Variants in RGS6 observed in about 807,000 individuals in gnomAD.
RGS6 encodes regulator of G-protein signaling 6.
Under a neutral mutation model 78.5 loss-of-function variants are expected in RGS6, and 30 were observed. The ratio of observed to expected loss-of-function variants is 0.38; its 90% CI spans 0.29 to 0.52. The LOEUF (loss-of-function observed/expected upper bound fraction) is 0.52. Ranked by LOEUF, RGS6 falls within the 20% of genes least tolerant of loss-of-function variation. The pLI is 0.85. For missense variants in RGS6, 495 were observed against 609.7 expected, an observed-to-expected ratio of 0.81 and a Z score of 1.98; for synonymous variants, 206 against 206.0, an observed-to-expected ratio of 1.00 and a Z score of 0.00.
chr14:72,526,677 C>T (rs2097124794), intron 15 of RGS6, among the ~76,000 whole-genome samples: 1 of 145,994 alleles, frequency 6.8e-6, no homozygotes, highest in Non-Finnish European at 1.5e-5. Flanking sequence ...CTAAGGAAAT[C>T]CAAAGGGGGC....
chr14:72,472,344 G>T (rs1257041361), intron 8 of RGS6, among the ~76,000 whole-genome samples: 3 of 152,028 alleles, frequency 2.0e-5, no homozygotes, highest in Admixed American at 2.0e-4. Context: ...CCATTATTCT[G>T]CCTTTAGAAA....
At chr14:71,981,953 G>T (rs1227913153) in intron 2 of RGS6, among the ~76,000 whole-genome samples, 1 of 151,756 alleles carries the variant, frequency 6.6e-6, no homozygotes, top group African/African-American at 2.4e-5. Flanking sequence ...GTGGGCGTAG[G>T]ACCCTCCGAG....
At chr14:72,426,180 C>G (rs2094429055) in intron 3 of RGS6, among the ~76,000 whole-genome samples, 1 of 152,116 alleles carries the variant, frequency 6.6e-6, no homozygotes, top group Admixed American at 6.5e-5. Context: ...TTTTCATAAG[C>G]CTCTGAGTTC....
At chr14:72,557,768 AC>A (rs2097602904) in intron 17 of RGS6, among the ~76,000 whole-genome samples, 1 of 152,188 alleles carries the variant, frequency 6.6e-6, no homozygotes, top group African/African-American at 2.4e-5. Flanking sequence ...TGTGTGTCAC[AC>A]CAAAGGGATC....
chr14:72,365,299 A>T (rs2082251671), intron 3 of RGS6, among the ~76,000 whole-genome samples: 1 of 152,222 alleles, frequency 6.6e-6, no homozygotes, highest in South Asian at 2.1e-4. Context: ...GGTACTGAGG[A>T]TAGAGATAAC....
At chr14:72,523,935 T>G (rs546283435) in intron 15 of RGS6, among the ~76,000 whole-genome samples, 1 of 152,310 alleles carries the variant, frequency 6.6e-6, no homozygotes, top group South Asian at 2.1e-4. Context: ...TGCTATGTGG[T>G]CTGAGGCAAG....
chr14:72,014,599 T>G (rs1427961412), intron 2 of RGS6, among the ~76,000 whole-genome samples: 1 of 152,218 alleles, frequency 6.6e-6, no homozygotes, highest in African/African-American at 2.4e-5. Context: ...GTCATGAGAC[T>G]TGAGCATTTG....
intron 3 of RGS6, among the ~76,000 whole-genome samples, chr14:72,381,177 G>A (rs1174620709): frequency 6.6e-6 from 1 of 151,934 alleles, no homozygotes; most frequent in Non-Finnish European, 1.5e-5. Context: ...GGTAGAGAGG[G>A]GGAGAGAGTT....
At chr14:72,589,490 C>T in the RGS6 span, among the ~76,000 whole-genome samples, 1 of 152,178 alleles carries the variant, frequency 6.6e-6, no homozygotes, top group Non-Finnish European at 1.5e-5. Context: ...GCAGAGGTTG[C>T]AGTGAGCTGA....
intron 12 of RGS6, among the ~76,000 whole-genome samples, chr14:72,486,105 C>G (rs968548623): frequency 6.6e-6 from 1 of 152,108 alleles, no homozygotes; most frequent in Non-Finnish European, 1.5e-5. Flanking sequence ...AGGGCTTCCC[C>G]CCTTCATTCA....
intron 14 of RGS6, among the ~76,000 whole-genome samples, chr14:72,511,144 CT>C (rs11363312): frequency 0.16 from 24,290 of 152,076 alleles, 2,047 homozygotes; most frequent in African/African-American, 0.21. Context: ...AAACTGGTGA[CT>C]TTTTAATGGG....
upstream of RGS6, among the ~76,000 whole-genome samples, chr14:71,928,963 C>A (rs1375460112): frequency 4.6e-5 from 7 of 152,122 alleles, no homozygotes; most frequent in Admixed American, 2.0e-4. Context: ...AACACTTATA[C>A]TTTAATGTAT....
chr14:72,419,927 C>G (rs555045883), intron 3 of RGS6, among the ~76,000 whole-genome samples: 3 of 152,136 alleles, frequency 2.0e-5, no homozygotes, highest in Non-Finnish European at 4.4e-5. Flanking sequence ...GCAAAATGGT[C>G]CAATCTGCCC....
intron 2 of RGS6, among the ~76,000 whole-genome samples, chr14:72,055,649 T>A (rs947442150): frequency 6.8e-6 from 1 of 148,106 alleles, no homozygotes; most frequent in Non-Finnish European, 1.5e-5. Flanking sequence ...AACATAGGGA[T>A]TTTTTTTTTT....
chr14:72,143,643 T>C (rs2096570543), intron 2 of RGS6, among the ~76,000 whole-genome samples: 1 of 152,190 alleles, frequency 6.6e-6, no homozygotes, highest in South Asian at 2.1e-4. Flanking sequence ...TTCAGCAAAC[T>C]GGAATGTGGT....
intron 2 of RGS6, among the ~76,000 whole-genome samples, chr14:72,233,980 G>A (rs923368156): frequency 2.0e-5 from 3 of 152,062 alleles, no homozygotes; most frequent in Non-Finnish European, 2.9e-5. Context: ...TGGGGGTAGC[G>A]GCTGTGCTTA....
At chr14:72,135,966 C>T (rs1381580591) in intron 2 of RGS6, among the ~76,000 whole-genome samples, 2 of 152,128 alleles carry the variant, frequency 1.3e-5, no homozygotes, top group Non-Finnish European at 2.9e-5. Flanking sequence ...CAATTTTCTT[C>T]TTGTTCCAAG....
At chr14:72,296,325 C>T (rs1295263263) in intron 2 of RGS6, among the ~76,000 whole-genome samples, 1 of 152,076 alleles carries the variant, frequency 6.6e-6, no homozygotes, top group Non-Finnish European at 1.5e-5. Context: ...TTTTTGTGGA[C>T]ATATATTCTC....
At chr14:71,998,317 C>CTTA (rs1221341678) in intron 2 of RGS6, among the ~76,000 whole-genome samples, 3 of 152,162 alleles carry the variant, frequency 2.0e-5, no homozygotes, top group Non-Finnish European at 2.9e-5. Context: ...CAGGCTTGCC[C>CTTA]TAAGCAGTTC....
Sources: gnomAD v4.1 joint callset for allele counts (sites outside exome capture counted in the v4.1 genomes callset) on GRCh38, gnomAD v4.1.1 for gene constraint, MANE v1.5 for transcripts, NCBI Gene and HGNC (gene_info 2026-07-23, HGNC 2026-07-21) for gene names.